MEIS1: variants seen among roughly 807,000 people sequenced by gnomAD.
MEIS1 encodes the protein Meis homeobox 1.
In MEIS1, 5 loss-of-function variants were observed where a neutral mutation model predicts 50.8. The ratio of observed to expected loss-of-function variants is 0.10; its 90% CI spans 0.05 to 0.21. MEIS1 has a LOEUF of 0.21. MEIS1 is among the 10% of genes least tolerant of loss of function. MEIS1 has a pLI of 1.00. For missense variants in MEIS1, 318 were observed against 517.3 expected, an observed-to-expected ratio of 0.61 and a Z score of 3.74; for synonymous variants, 176 against 179.3, an observed-to-expected ratio of 0.98 and a Z score of 0.15.
chr2:66,524,717 T>G (rs978487272), intron 8 of MEIS1, among the ~76,000 whole-genome samples: 1 of 151,642 alleles, frequency 6.6e-6, no homozygotes, highest in Non-Finnish European at 1.5e-5. Context: ...CACACAAGTA[T>G]TTTACACAAA....
At chr2:66,504,300 C>T (rs1187524003) in intron 7 of MEIS1, among the ~76,000 whole-genome samples, 1 of 152,076 alleles carries the variant, frequency 6.6e-6, no homozygotes, top group Non-Finnish European at 1.5e-5. Context: ...GTGACGCGAC[C>T]TCAGCTCACT....
chr2:66,547,074 T>C (rs1674810167), intron 8 of MEIS1, among the ~76,000 whole-genome samples: 1 of 152,174 alleles, frequency 6.6e-6, no homozygotes. Context: ...AGCTAATGTC[T>C]CTATAGATGG....
At chr2:66,440,130 T>A in intron 3 of MEIS1, 146 bp downstream of exon 3, 1 of 824,168 alleles carries the variant, frequency 1.2e-6, no homozygotes, top group Non-Finnish European at 1.8e-6. Context: ...TAGTCGGCCT[T>A]AAGCCATGCA....
intron 7 of MEIS1, among the ~76,000 whole-genome samples, chr2:66,507,828 A>G (rs1173539649): frequency 6.6e-6 from 1 of 152,252 alleles, no homozygotes; most frequent in Non-Finnish European, 1.5e-5. Context: ...GCATGCTTAA[A>G]TAGGCGACTC....
intron 8 of MEIS1, among the ~76,000 whole-genome samples, chr2:66,540,561 GTGC>G (rs1433328020): frequency 6.6e-6 from 1 of 152,166 alleles, no homozygotes; most frequent in Non-Finnish European, 1.5e-5. Flanking sequence ...GCCTTCCAAA[GTGC>G]TGGGATTATA....
chr2:66,456,235 T>TACACACACACACACACACAC (rs3220293), intron 6 of MEIS1, among the ~76,000 whole-genome samples: 1,610 of 147,570 alleles, frequency 0.011, 37 homozygotes, highest in African/African-American at 0.037. Flanking sequence ...ATGATTTTTA[T>TACACACACACACACACACAC]ACACACACAC....
In MEIS1 at chr2:66,448,465, C is replaced by T. The variant is rs192131847; in HGVS notation, c.630+5417C>T. Among the ~76,000 whole-genome samples, 5 of 152,282 alleles carry T rather than the reference C, an allele frequency of 3.3e-5. No homozygotes were observed. In the East Asian group the frequency reaches 9.6e-4, roughly 29 times the overall value. Reference sequence around the variant, plus strand: ...TACCATGAGGCCTACTGTCCTAAAACTAGCTTACCTTCCCTAGCGTACCTC... The same window carrying T: ...TACCATGAGGCCTACTGTCCTAAAATTAGCTTACCTTCCCTAGCGTACCTC... On this transcript the variant is annotated intron_variant, in intron 6 of 12. Coordinates refer to ENST00000272369, the MANE Select transcript of MEIS1 (RefSeq NM_002398.3).
chr2:66,537,512 G>T (rs116157449), intron 8 of MEIS1, among the ~76,000 whole-genome samples: 1 of 152,120 alleles, frequency 6.6e-6, no homozygotes, highest in African/African-American at 2.4e-5. Context: ...TAGTCATATT[G>T]GGAGCAGCAC....
At chr2:66,480,851 G>A (rs961368800) in intron 7 of MEIS1, among the ~76,000 whole-genome samples, 3 of 152,150 alleles carry the variant, frequency 2.0e-5, no homozygotes, top group Non-Finnish European at 4.4e-5. Flanking sequence ...AAACTTTTGT[G>A]AAGAATGGTG....
intron 8 of MEIS1, among the ~76,000 whole-genome samples, chr2:66,515,524 G>T (rs1057059603): frequency 3.9e-5 from 6 of 152,160 alleles, no homozygotes; most frequent in Admixed American, 1.3e-4. Flanking sequence ...CTACTCCAAA[G>T]AGAGAACTAA....
intron 7 of MEIS1, among the ~76,000 whole-genome samples, chr2:66,476,183 G>A (rs958517656): frequency 6.6e-6 from 1 of 152,184 alleles, no homozygotes; most frequent in African/African-American, 2.4e-5. Context: ...TGGGATGCCA[G>A]AATGGAAGGT....
intron 7 of MEIS1, among the ~76,000 whole-genome samples, chr2:66,472,371 A>T (rs1280167306): frequency 6.6e-6 from 1 of 152,240 alleles, no homozygotes. Context: ...AAATATTATC[A>T]TGAGTTGTGT....
At chr2:66,467,119 A>C (rs905535178) in intron 7 of MEIS1, among the ~76,000 whole-genome samples, 1 of 152,212 alleles carries the variant, frequency 6.6e-6, no homozygotes, top group Non-Finnish European at 1.5e-5. Flanking sequence ...AAAGTAGATA[A>C]AATGAAATAA....
chr2:66,485,855 G>A (rs554345570), intron 7 of MEIS1, among the ~76,000 whole-genome samples: 3 of 152,212 alleles, frequency 2.0e-5, no homozygotes, highest in Non-Finnish European at 4.4e-5. Context: ...GACCAGTGAT[G>A]ATGAGCTTTT....
At chr2:66,570,260 G>A (rs1271460921) in intron 12 of MEIS1, 1 of 152,076 alleles carries the variant, frequency 6.6e-6, no homozygotes, top group Admixed American at 6.5e-5. Context: ...GAATTCTCTA[G>A]CTTAGTTAAT....
intron 8 of MEIS1, among the ~76,000 whole-genome samples, chr2:66,541,867 TAGG>T (rs1674661095): frequency 6.6e-6 from 1 of 152,180 alleles, no homozygotes; most frequent in Admixed American, 6.5e-5. Flanking sequence ...GTAATGCAAA[TAGG>T]AGGCACAAAG....
intron 9 of MEIS1, among the ~76,000 whole-genome samples, chr2:66,561,832 C>T (rs1000968889): frequency 6.6e-6 from 1 of 152,088 alleles, no homozygotes; most frequent in African/African-American, 2.4e-5. Flanking sequence ...TGGCAAGAAA[C>T]ACGACGGGGG....
At chr2:66,539,049 G>A (rs994283939) in intron 8 of MEIS1, among the ~76,000 whole-genome samples, 3 of 152,098 alleles carry the variant, frequency 2.0e-5, no homozygotes, top group African/African-American at 7.2e-5. Context: ...CACCACGGCT[G>A]GCTAATTTTT....
At chr2:66,477,986 C>A (rs1331265265) in intron 7 of MEIS1, among the ~76,000 whole-genome samples, 1 of 152,208 alleles carries the variant, frequency 6.6e-6, no homozygotes, top group Non-Finnish European at 1.5e-5. Flanking sequence ...CCTTTTTACA[C>A]TGAAACAGTA....
Sources: allele counts gnomAD v4.1 joint callset (sites outside exome capture counted in the v4.1 genomes callset), GRCh38; gene constraint gnomAD v4.1.1; transcripts MANE v1.5; gene names NCBI Gene and HGNC (gene_info 2026-07-23, HGNC 2026-07-21).